Variants in CNTNAP5 observed in about 807,000 individuals in gnomAD.
CNTNAP5 encodes contactin associated protein family member 5, also known as contactin-associated protein-like 5.
Under a neutral mutation model 150.2 loss-of-function variants are expected in CNTNAP5, and 72 were observed. The observed-to-expected ratio is 0.48, with a 90% confidence interval of 0.40 to 0.58. The LOEUF is 0.58. Ranked by LOEUF, CNTNAP5 falls within the 20% of genes least tolerant of loss-of-function variation. CNTNAP5 has a pLI of 0.00. For synonymous variants in CNTNAP5, 672 were observed against 619.8 expected (o/e 1.08, Z -1.25); for missense variants, 1,636 against 1,626.2 (o/e 1.01, Z -0.10).
In CNTNAP5 at chr2:124,795,957, C is replaced by T. The variant is rs756144795; in HGVS notation, c.2993-2139C>T. On this transcript the variant is annotated intron_variant, in intron 18 of 23. Transcript: ENST00000682447. ...GAGAATCATCATGGTCACTAGAAATCACTTGCAAGTTAAATATCTTTATCC... is the reference window on the plus strand; with the variant it reads ...GAGAATCATCATGGTCACTAGAAATTACTTGCAAGTTAAATATCTTTATCC... Among the ~76,000 whole-genome samples, 113 of 152,142 alleles carry T rather than the reference C, an allele frequency of 7.4e-4. 2 individuals are homozygous for T. The highest frequency in any genetic ancestry group is 3.4e-3 in the Middle Eastern group (1 of 294).
At chr2:124,084,356 TC>T (rs941914800) in intron 1 of CNTNAP5, among the ~76,000 whole-genome samples, 4 of 152,062 alleles carry the variant, frequency 2.6e-5, no homozygotes, top group African/African-American at 9.7e-5. Flanking sequence ...AGCCTGGACT[TC>T]CTGGGTTCCA....
intron 1 of CNTNAP5, among the ~76,000 whole-genome samples, chr2:124,079,642 G>A (rs1257636959): frequency 2.0e-5 from 3 of 152,152 alleles, no homozygotes; most frequent in Non-Finnish European, 2.9e-5. Context: ...GAAAATATCA[G>A]AAGTGTGTGG....
chr2:124,657,671 G>C (rs921692122), intron 13 of CNTNAP5, among the ~76,000 whole-genome samples: 2 of 152,110 alleles, frequency 1.3e-5, no homozygotes, highest in African/African-American at 2.4e-5. Context: ...CCTAACTGTA[G>C]CCTGCAGAGC....
intron 19 of CNTNAP5, among the ~76,000 whole-genome samples, chr2:124,842,350 G>A (rs930704002): frequency 2.6e-5 from 4 of 152,096 alleles, no homozygotes; most frequent in Admixed American, 2.6e-4. Flanking sequence ...AATTCAAAGG[G>A]CAGGCCTGAA....
At chr2:124,107,752 T>G (rs1485279193) in intron 1 of CNTNAP5, among the ~76,000 whole-genome samples, 1 of 152,212 alleles carries the variant, frequency 6.6e-6, no homozygotes. Context: ...GTTTATTTTG[T>G]CAAGGTTAAG....
rs530996767 is a variant in CNTNAP5 at position 124,812,754 on chromosome 2, G to A, written c.3217+14434G>A. Among the ~76,000 whole-genome samples, 128 of 152,132 alleles carry A rather than the reference G, an allele frequency of 8.4e-4. 1 individual carries two copies. The highest frequency in any genetic ancestry group is 2.7e-3 in the African/African-American group (114 of 41,500). On this transcript the variant is annotated intron_variant, in intron 19 of 23. Transcript: ENST00000682447. ...TCTTGCCTTTCTGGACCAAACCAAT[G>A]GTTATCTTAAATGTATATGATTGAT...
intron 3 of CNTNAP5, among the ~76,000 whole-genome samples, chr2:124,265,402 G>T (rs971581055): frequency 1.3e-5 from 2 of 152,058 alleles, no homozygotes; most frequent in Non-Finnish European, 2.9e-5. Flanking sequence ...CACTAATGGG[G>T]TCATTATCGC....
intron 19 of CNTNAP5, among the ~76,000 whole-genome samples, chr2:124,854,229 A>G (rs1350858630): frequency 6.6e-6 from 1 of 152,104 alleles, no homozygotes; most frequent in African/African-American, 2.4e-5. Flanking sequence ...TTATACGTCC[A>G]TTCCTCTATC....
intron 1 of CNTNAP5, among the ~76,000 whole-genome samples, chr2:124,203,075 AG>A (rs1685768754): frequency 2.0e-5 from 3 of 152,198 alleles, no homozygotes; most frequent in African/African-American, 7.2e-5. Flanking sequence ...TAAAATCAGA[AG>A]CAACTTAGTT....
chr2:124,301,196 T>C (rs898205442), intron 3 of CNTNAP5, among the ~76,000 whole-genome samples: 2 of 152,214 alleles, frequency 1.3e-5, no homozygotes, highest in African/African-American at 4.8e-5. Context: ...TTGCAATTGA[T>C]AGTCTCTGAA....
At chr2:124,598,274 T>A (rs1696878622) in intron 11 of CNTNAP5, among the ~76,000 whole-genome samples, 2 of 110,972 alleles carry the variant, frequency 1.8e-5, no homozygotes, top group African/African-American at 6.6e-5. Context: ...TCTTTGTGGT[T>A]TTATCTACTT....
intron 21 of CNTNAP5, among the ~76,000 whole-genome samples, chr2:124,873,135 AG>A (rs1677786822): frequency 6.6e-6 from 1 of 152,130 alleles, no homozygotes; most frequent in Non-Finnish European, 1.5e-5. Flanking sequence ...GAAAGCCTCA[AG>A]AATCTTAAAG....
At chr2:124,339,017 A>T (rs990566496) in intron 3 of CNTNAP5, among the ~76,000 whole-genome samples, 1 of 152,178 alleles carries the variant, frequency 6.6e-6, no homozygotes. Flanking sequence ...GTAGTCATGG[A>T]GGAAAAAAGT....
At chr2:124,214,427 A>T (rs1320277709) in intron 1 of CNTNAP5, among the ~76,000 whole-genome samples, 1 of 152,204 alleles carries the variant, frequency 6.6e-6, no homozygotes, top group Non-Finnish European at 1.5e-5. Context: ...ATTGCAGTGC[A>T]GGGAGTGGTG....
intron 19 of CNTNAP5, among the ~76,000 whole-genome samples, chr2:124,826,332 C>T (rs573819193): frequency 6.6e-6 from 1 of 151,746 alleles, no homozygotes; most frequent in Non-Finnish European, 1.5e-5. Flanking sequence ...CAGATTGGGC[C>T]CATAGAGGTT....
At chr2:124,444,813 C>G (rs1692770715) in intron 5 of CNTNAP5, among the ~76,000 whole-genome samples, 1 of 152,180 alleles carries the variant, frequency 6.6e-6, no homozygotes, top group African/African-American at 2.4e-5. Flanking sequence ...GCTGCTGCTT[C>G]TCCTGGCCTT....
At chr2:124,304,851 A>G (rs866613280) in intron 3 of CNTNAP5, among the ~76,000 whole-genome samples, 19 of 152,220 alleles carry the variant, frequency 1.2e-4, no homozygotes, top group Middle Eastern at 3.4e-3. Flanking sequence ...CACTGACCCT[A>G]TGCGAGGCAC....
intron 3 of CNTNAP5, among the ~76,000 whole-genome samples, chr2:124,403,768 A>G (rs28538807): frequency 0.36 from 55,310 of 152,024 alleles, 10,433 homozygotes; most frequent in East Asian, 0.63. Flanking sequence ...AGACTGGGTA[A>G]TTTATAAAAG....
chr2:124,660,658 C>T (rs553144747), intron 13 of CNTNAP5, among the ~76,000 whole-genome samples: 15 of 152,082 alleles, frequency 9.9e-5, no homozygotes, highest in South Asian at 6.2e-4. Context: ...TTTGCATTTA[C>T]AGCACATTTT....
Sources: allele counts gnomAD v4.1 joint callset (sites outside exome capture counted in the v4.1 genomes callset), GRCh38; gene constraint gnomAD v4.1.1; transcripts MANE v1.5; gene names NCBI Gene and HGNC (gene_info 2026-07-23, HGNC 2026-07-21).